The following ABCC4 variants were observed in gnomAD, a reference collection of about 807,000 sequenced individuals.
ABCC4 encodes ATP-binding cassette sub-family C member 4.
In ABCC4, 102 loss-of-function variants were observed where a neutral mutation model predicts 168.5. That is an observed-to-expected ratio of 0.61 (90% CI 0.52 to 0.71). The LOEUF (loss-of-function observed/expected upper bound fraction) is 0.71. ABCC4 is among the 30% of genes least tolerant of loss of function. The probability of loss-of-function intolerance (pLI) is 0.00; values close to 1 mark genes in which losing one functional copy is unlikely to be tolerated. For missense variants in ABCC4, 1,402 were observed against 1,605.8 expected, an observed-to-expected ratio of 0.87 and a Z score of 2.17; for synonymous variants, 617 against 590.7, an observed-to-expected ratio of 1.04 and a Z score of -0.65.
At chr13:95,058,582 AAAAAAAAAAAGAAAAG>A (rs2033157273) in intron 26 of ABCC4, among the ~76,000 whole-genome samples, 1 of 59,248 alleles carries the variant, frequency 1.7e-5, no homozygotes, top group African/African-American at 5.6e-5. Flanking sequence ...AAAAAAAAAA[AAAAAAAAAAAGAAAAG>A]AAAAAGAAAA....
intron 1 of ABCC4, among the ~76,000 whole-genome samples, chr13:95,285,949 C>CA (rs970475268): frequency 1.3e-5 from 2 of 152,004 alleles, no homozygotes; most frequent in African/African-American, 4.8e-5. Flanking sequence ...GGCAACTGAC[C>CA]AACTACCTTT....
intron 1 of ABCC4, among the ~76,000 whole-genome samples, chr13:95,263,974 T>C (rs989814802): frequency 2.0e-5 from 3 of 152,220 alleles, no homozygotes. Context: ...AAGACATGTC[T>C]GAACTATCTT....
intron 1 of ABCC4, among the ~76,000 whole-genome samples, chr13:95,266,860 G>T (rs2138867539): frequency 7.5e-6 from 1 of 133,122 alleles, no homozygotes; most frequent in African/African-American, 2.9e-5. Context: ...GTTTCGCTCT[G>T]TCTCCACTCA....
At chr13:95,256,969 C>T (rs1301965878) in intron 1 of ABCC4, among the ~76,000 whole-genome samples, 2 of 152,076 alleles carry the variant, frequency 1.3e-5, no homozygotes, top group African/African-American at 2.4e-5. Context: ...TTTAAGTTTG[C>T]GCACCAAGAA....
intron 26 of ABCC4, among the ~76,000 whole-genome samples, chr13:95,061,752 T>C (rs1359704140): frequency 6.6e-6 from 1 of 150,774 alleles, no homozygotes; most frequent in Admixed American, 6.6e-5. Context: ...GGTGTTAAAG[T>C]GAAGGACAGG....
intron 19 of ABCC4, among the ~76,000 whole-genome samples, chr13:95,119,739 AACAAAAAAGTAC>A (rs1044378976): frequency 1.3e-5 from 2 of 152,188 alleles, no homozygotes; most frequent in African/African-American, 4.8e-5. Context: ...TCTTTTTTGT[AACAAAAAAGTAC>A]ACTTAAATAT....
intron 19 of ABCC4, among the ~76,000 whole-genome samples, chr13:95,153,525 C>T (rs2036760745): frequency 6.6e-6 from 1 of 152,150 alleles, no homozygotes; most frequent in Admixed American, 6.5e-5. Context: ...ACATTATATA[C>T]ACTATAGGAA....
chr13:95,085,767 G>A (rs1270076053), intron 20 of ABCC4, among the ~76,000 whole-genome samples: 1 of 152,168 alleles, frequency 6.6e-6, no homozygotes, highest in African/African-American at 2.4e-5. Flanking sequence ...CAAAAACCAA[G>A]AAGAGGCAAC....
chr13:95,112,585 A>G (rs1487156587), intron 20 of ABCC4, among the ~76,000 whole-genome samples: 2 of 152,188 alleles, frequency 1.3e-5, no homozygotes, highest in Non-Finnish European at 2.9e-5. Context: ...TTCTGGCTCA[A>G]GAATACCATC....
intron 20 of ABCC4, among the ~76,000 whole-genome samples, chr13:95,089,896 G>T (rs2034377098): frequency 1.3e-5 from 2 of 151,816 alleles, no homozygotes; most frequent in Non-Finnish European, 2.9e-5. Context: ...AAAAAAAGAA[G>T]CCAATCCCAA....
intron 30 of ABCC4, among the ~76,000 whole-genome samples, chr13:95,025,283 CCCCACACACA>C (rs1566351298): frequency 1.2e-5 from 1 of 80,060 alleles, no homozygotes; most frequent in African/African-American, 5.7e-5. Context: ...CCACACACAC[CCCCACACACA>C]CCCACATACG....
chr13:95,064,519 G>GTA (rs1441651031), intron 25 of ABCC4, among the ~76,000 whole-genome samples: 2 of 144,446 alleles, frequency 1.4e-5, no homozygotes, highest in Non-Finnish European at 3.0e-5. Context: ...GTGTATGTGT[G>GTA]TGTGTGTGTG....
At chr13:95,122,135 T>A (rs1281563133) in intron 19 of ABCC4, among the ~76,000 whole-genome samples, 2 of 152,232 alleles carry the variant, frequency 1.3e-5, no homozygotes, top group Admixed American at 6.5e-5. Context: ...TTTCTAAGGA[T>A]AAATCTGTTG....
rs57260755 is a variant in ABCC4, at chr13:95,167,177, C to CATAAATAAATAA, written c.1825-822_1825-811dup. Among the ~76,000 whole-genome samples the CATAAATAAATAA allele has an allele frequency of 4.3e-3, 616 of 143,432 alleles. 3 individuals carry two copies. The highest frequency in any genetic ancestry group is 0.011 in the African/African-American group (412 of 38,006). 94.1% of individuals were successfully genotyped at this position (143,432 alleles called of 152,430 possible). A position where few individuals can be genotyped will look rare whatever the true frequency, so the allele number is the denominator to read the frequency against. ...GGATGACAAGAGCGAAACTCCATCTCATAAATAAATAAATAAATAAATAAA... is the reference window on the plus strand; with the variant it reads ...GGATGACAAGAGCGAAACTCCATCTCATAAATAAATAAATAAATAAATAAATAAATAAATAAA... On this transcript the variant is annotated intron_variant, in intron 14 of 30. Coordinates refer to ENST00000645237, the MANE Select transcript of ABCC4 (RefSeq NM_005845.5).
At chr13:95,116,032 T>C (rs746574141) in intron 19 of ABCC4, 31 bp from the exon 20 acceptor site, 2 of 1,525,456 alleles carry the variant, frequency 1.3e-6, no homozygotes, top group Non-Finnish European at 1.8e-6. Context: ...AAATTACTCA[T>C]TTCCCCAGAT....
At chr13:95,123,966 T>A (rs567992205) in intron 19 of ABCC4, among the ~76,000 whole-genome samples, 1 of 152,126 alleles carries the variant, frequency 6.6e-6, no homozygotes, top group South Asian at 2.1e-4. Context: ...AGGAATGACA[T>A]CCATCAGGAC....
chr13:95,237,521 G>A (rs1363528447), intron 3 of ABCC4, among the ~76,000 whole-genome samples: 1 of 152,166 alleles, frequency 6.6e-6, no homozygotes, highest in African/African-American at 2.4e-5. Flanking sequence ...CTCCTCGACT[G>A]TGAAACCATG....
chr13:95,057,505 T>C lies in ABCC4; in HGVS notation c.3367-4321A>G, dbSNP rs2033109526. 2.6e-5 allele frequency among the ~76,000 whole-genome samples: 4 copies of C among 152,334 alleles called. No individual in the cohort carries two copies. In the South Asian group the frequency reaches 8.3e-4, roughly 32 times the overall value. On this transcript the variant is annotated intron_variant, in intron 26 of 30. Coordinates refer to ENST00000645237, the MANE Select transcript of ABCC4 (RefSeq NM_005845.5). The stretch of plus-strand genomic sequence containing the variant: ...CACCCTCCTTGGCCTCCCAAAGTGC[T>C]GGGATTACAGGCGTGAGCCACCGTG...
intron 14 of ABCC4, among the ~76,000 whole-genome samples, chr13:95,167,662 C>A (rs1176086147): frequency 6.6e-6 from 1 of 152,130 alleles, no homozygotes; most frequent in Non-Finnish European, 1.5e-5. Context: ...ATAAAATGAC[C>A]ACTTTTCACA....
Sources: gnomAD v4.1 joint callset for allele counts (sites outside exome capture counted in the v4.1 genomes callset) on GRCh38, gnomAD v4.1.1 for gene constraint, MANE v1.5 for transcripts, NCBI Gene and HGNC (gene_info 2026-07-23, HGNC 2026-07-21) for gene names.